SCD5: variants seen among roughly 807,000 people sequenced by gnomAD.
SCD5 encodes the protein acyl-CoA-desaturase 4.
A neutral mutation model predicts 30.4 loss-of-function variants in SCD5; 20 were observed. The observed-to-expected ratio is 0.66, with a 90% CI of 0.46 to 0.96. The LOEUF is 0.96. Among genes scored for constraint, SCD5 ranks in the 40% least tolerant of loss-of-function variants. The probability of loss-of-function intolerance (pLI) is 0.00; values close to 1 mark genes in which losing one functional copy is unlikely to be tolerated. For missense variants in SCD5, 381 were observed against 443.3 expected, an observed-to-expected ratio of 0.86 and a Z score of 1.26; for synonymous variants, 173 against 176.4, an observed-to-expected ratio of 0.98 and a Z score of 0.16.
chr4:82,772,284 C>G (rs1459634619), intron 1 of SCD5, among the ~76,000 whole-genome samples: 1 of 152,216 alleles, frequency 6.6e-6, no homozygotes, highest in Non-Finnish European at 1.5e-5. Context: ...CTACATCAGA[C>G]AGTGACAAGT....
At position 82,798,608 on chromosome 4, in the gene SCD5, G is replaced by T; in HGVS notation, c.-71C>A. The stretch of plus-strand genomic sequence containing the variant: ...CTCTGCCCGAGCGGAGCTCGAGGGT[G>T]GGGGCGGGGGCTTCTGCCTTTTAGG... On this transcript the variant is annotated 5_prime_UTR_variant, in exon 1 of 5. Coordinates refer to ENST00000319540, the MANE Select transcript of SCD5 (RefSeq NM_001037582.3). 7.4e-7 allele frequency: 1 copy of T among 1,349,066 alleles called. No homozygotes were observed. The highest frequency in any genetic ancestry group is 9.9e-7 in the Non-Finnish European group (1 of 1,008,452). 83.6% of individuals were successfully genotyped at this position (1,349,066 alleles called of 1,614,324 possible).
intron 1 of SCD5, among the ~76,000 whole-genome samples, chr4:82,789,065 G>A (rs1000423334): frequency 6.6e-6 from 1 of 152,184 alleles, no homozygotes; most frequent in African/African-American, 2.4e-5. Flanking sequence ...CAAGTTTGTA[G>A]AAGGCAGCCC....
intron 1 of SCD5, among the ~76,000 whole-genome samples, chr4:82,754,035 G>A (rs1721170857): frequency 6.6e-6 from 1 of 152,160 alleles, no homozygotes; most frequent in African/African-American, 2.4e-5. Context: ...GCAGTCTCTT[G>A]TCAAGCACAG....
chr4:82,638,907 A>T (rs1357860373), intron 3 of SCD5, among the ~76,000 whole-genome samples: 2 of 152,240 alleles, frequency 1.3e-5, no homozygotes, highest in Non-Finnish European at 2.9e-5. Context: ...CATTCTCTGA[A>T]GAAGGGACTA....
chr4:82,704,179 GAGCACTTAGT>G (rs1719920268), intron 2 of SCD5, among the ~76,000 whole-genome samples: 2 of 152,174 alleles, frequency 1.3e-5, no homozygotes, highest in Non-Finnish European at 2.9e-5. Context: ...TGAGCTACAA[GAGCACTTAGT>G]GAAATATTCC....
chr4:82,686,026 G>C (rs1449531952), intron 2 of SCD5, among the ~76,000 whole-genome samples: 1 of 149,320 alleles, frequency 6.7e-6, no homozygotes, highest in Admixed American at 6.6e-5. Context: ...TTTTTTTTGA[G>C]ACAGGGTCTC....
intron 1 of SCD5, among the ~76,000 whole-genome samples, chr4:82,759,978 G>T (rs1721322385): frequency 6.6e-6 from 1 of 152,002 alleles, no homozygotes; most frequent in Non-Finnish European, 1.5e-5. Flanking sequence ...TTCCTTCCCA[G>T]CATCTATGGT....
intron 1 of SCD5, among the ~76,000 whole-genome samples, chr4:82,752,412 A>G (rs1431538648): frequency 6.6e-6 from 1 of 152,048 alleles, no homozygotes; most frequent in East Asian, 1.9e-4. Flanking sequence ...GCCAGCTGAA[A>G]TGTTCTTGTC....
chr4:82,791,285 A>C (rs1722094680), intron 1 of SCD5, among the ~76,000 whole-genome samples: 1 of 152,082 alleles, frequency 6.6e-6, no homozygotes, highest in Non-Finnish European at 1.5e-5. Flanking sequence ...TGCATGCACT[A>C]CTGTGAGGAT....
intron 1 of SCD5, among the ~76,000 whole-genome samples, chr4:82,710,468 G>A (rs188871913): frequency 6.6e-6 from 1 of 152,254 alleles, no homozygotes; most frequent in East Asian, 1.9e-4. Flanking sequence ...GATGGTGAGA[G>A]CTGCCCCCTA....
intron 3 of SCD5, among the ~76,000 whole-genome samples, chr4:82,643,946 C>T (rs1245990438): frequency 2.0e-5 from 3 of 152,224 alleles, no homozygotes; most frequent in South Asian, 2.1e-4. Context: ...AGCCACTGAA[C>T]TAACCAATCC....
chr4:82,669,849 C>G (rs922086607), intron 3 of SCD5, among the ~76,000 whole-genome samples: 1 of 152,152 alleles, frequency 6.6e-6, no homozygotes, highest in Non-Finnish European at 1.5e-5. Context: ...TTATTTAGAG[C>G]CTAACCAACC....
At chr4:82,689,833 G>T (rs1247075049) in intron 2 of SCD5, among the ~76,000 whole-genome samples, 2 of 152,154 alleles carry the variant, frequency 1.3e-5, no homozygotes, top group Admixed American at 1.3e-4. Flanking sequence ...GTGACAAAGT[G>T]ATGTCATGTG....
chr4:82,636,336 A>G (rs897199760), intron 4 of SCD5, among the ~76,000 whole-genome samples: 8 of 151,958 alleles, frequency 5.3e-5, no homozygotes, highest in African/African-American at 1.9e-4. Context: ...CTGTAATCCC[A>G]GCTCCTCAGG....
chr4:82,769,579 T>TAA (rs1721573654), intron 1 of SCD5, among the ~76,000 whole-genome samples: 1 of 152,226 alleles, frequency 6.6e-6, no homozygotes, highest in Admixed American at 6.5e-5. Context: ...TGATGCATTT[T>TAA]TTTCTTTTTT....
intron 1 of SCD5, among the ~76,000 whole-genome samples, chr4:82,720,443 A>C (rs6848854): frequency 0.026 from 1,169 of 44,582 alleles, 15 homozygotes; most frequent in Middle Eastern, 0.064. Flanking sequence ...GGCAAAAATA[A>C]AAAAAAAAAA....
chr4:82,722,445 A>G (rs1720387630), intron 1 of SCD5, among the ~76,000 whole-genome samples: 1 of 152,204 alleles, frequency 6.6e-6, no homozygotes, highest in Admixed American at 6.5e-5. Context: ...AATGTGAAAG[A>G]TCACTTAATC....
chr4:82,660,800 C>T (rs936882045), intron 3 of SCD5: 13 of 1,604,322 alleles, frequency 8.1e-6, no homozygotes, highest in South Asian at 7.8e-5. Context: ...TTAAAAAAGG[C>T]CTGGGTGTGG....
At chr4:82,787,482 G>A (rs1178189871) in intron 1 of SCD5, among the ~76,000 whole-genome samples, 1 of 152,164 alleles carries the variant, frequency 6.6e-6, no homozygotes, top group Non-Finnish European at 1.5e-5. Context: ...CCTTGGAAGA[G>A]GTGTTGGCTG....
Sources: allele counts gnomAD v4.1 joint callset (sites outside exome capture counted in the v4.1 genomes callset), GRCh38; gene constraint gnomAD v4.1.1; transcripts MANE v1.5; gene names NCBI Gene and HGNC (gene_info 2026-07-23, HGNC 2026-07-21).